Variants in GRIK2 observed in about 807,000 individuals in gnomAD.
The protein encoded by GRIK2 is glutamate ionotropic receptor kainate type subunit 2, also known as glutamate receptor ionotropic, kainate 2.
In GRIK2, 32 loss-of-function variants were observed where a neutral mutation model predicts 100.3. The ratio of observed to expected loss-of-function variants is 0.32; its 90% CI spans 0.24 to 0.43. The LOEUF is 0.43. Among genes scored for constraint, GRIK2 ranks in the 20% least tolerant of loss-of-function variants. GRIK2 has a pLI of 1.00. For missense variants in GRIK2, 843 were observed against 1,114.9 expected, an observed-to-expected ratio of 0.76 and a Z score of 3.47; for synonymous variants, 417 against 389.4, an observed-to-expected ratio of 1.07 and a Z score of -0.83.
intron 7 of GRIK2, among the ~76,000 whole-genome samples, chr6:101,700,568 C>T (rs1439977641): frequency 6.6e-6 from 1 of 152,070 alleles, no homozygotes; most frequent in Non-Finnish European, 1.5e-5. Context: ...TACACTAACT[C>T]TAAGTCTCAC....
intron 7 of GRIK2, among the ~76,000 whole-genome samples, chr6:101,705,885 C>T (rs1215756990): frequency 6.6e-6 from 1 of 151,560 alleles, no homozygotes; most frequent in Non-Finnish European, 1.5e-5. Flanking sequence ...TTAAGAAGTG[C>T]AACAATAAAA....
intron 7 of GRIK2, among the ~76,000 whole-genome samples, chr6:101,799,368 A>G (rs1780531533): frequency 1.3e-5 from 2 of 151,884 alleles, no homozygotes; most frequent in South Asian, 4.2e-4. Context: ...CTGTCTTCAT[A>G]CATGTCCTAC....
At chr6:101,914,463 G>C (rs1216332757) in intron 12 of GRIK2, among the ~76,000 whole-genome samples, 2 of 151,456 alleles carry the variant, frequency 1.3e-5, no homozygotes, top group East Asian at 3.9e-4. Context: ...TCCAAAATCG[G>C]CAAGGGGCTA....
chr6:101,608,445 C>T (rs1321702827), intron 2 of GRIK2, among the ~76,000 whole-genome samples: 4 of 151,766 alleles, frequency 2.6e-5, no homozygotes, highest in African/African-American at 9.7e-5. Flanking sequence ...TGTGTTATTT[C>T]TAGTAAAATT....
At chr6:101,688,027 A>G (rs1771826706) in intron 7 of GRIK2, among the ~76,000 whole-genome samples, 2 of 148,098 alleles carry the variant, frequency 1.4e-5, no homozygotes, top group Admixed American at 1.4e-4. Context: ...TATCCTTTAA[A>G]TTGTTGTTAT....
chr6:101,622,180 ATT>A, intron 3 of GRIK2, 64 bp downstream of exon 3: 1 of 964,868 alleles, frequency 1.0e-6, no homozygotes. Context: ...TTCTTAAGAG[ATT>A]TTTTTATTTT....
intron 14 of GRIK2, among the ~76,000 whole-genome samples, chr6:101,950,541 G>A (rs1791546155): frequency 6.6e-6 from 1 of 152,098 alleles, no homozygotes; most frequent in Non-Finnish European, 1.5e-5. Flanking sequence ...TCTGAATGAT[G>A]AAGCAGCCCC....
chr6:102,025,232 T>A (rs1207034165), intron 14 of GRIK2, among the ~76,000 whole-genome samples: 1 of 151,232 alleles, frequency 6.6e-6, no homozygotes, highest in East Asian at 1.9e-4. Flanking sequence ...AAGTATCTAT[T>A]GATATCTATG....
intron 2 of GRIK2, among the ~76,000 whole-genome samples, chr6:101,457,050 A>G (rs904003759): frequency 6.6e-6 from 1 of 152,124 alleles, no homozygotes; most frequent in Non-Finnish European, 1.5e-5. Context: ...AAACAATTCT[A>G]AAAGGAACAC....
intron 2 of GRIK2, among the ~76,000 whole-genome samples, chr6:101,404,218 A>G (rs530757357): frequency 6.4e-4 from 97 of 152,250 alleles, no homozygotes; most frequent in African/African-American, 2.3e-3. Flanking sequence ...CTCAGATGAC[A>G]CTCTTTCAAC....
At chr6:101,876,657 T>TCCTGG (rs1193715504) in intron 11 of GRIK2, among the ~76,000 whole-genome samples, 1 of 151,892 alleles carries the variant, frequency 6.6e-6, no homozygotes, top group African/African-American at 2.4e-5. Flanking sequence ...CTACTCATTA[T>TCCTGG]CCTGGTGAGA....
rs541237241 is a variant in GRIK2, at chr6:101,873,376, G to A, written c.1524+13883G>A. Among the ~76,000 whole-genome samples, 10 of 151,522 alleles carry A rather than the reference G, an allele frequency of 6.6e-5. No individual in the cohort carries two copies. In the South Asian group the frequency reaches 2.1e-3, roughly 32 times the overall value. ...TTTTTTGTCCTTGTAATAGTTTGCT[G>A]AGAATGATGGTTTCCAGCTTCATCC... On this transcript the variant is annotated intron_variant, in intron 11 of 16. Transcript: ENST00000369134.
chr6:101,799,277 T>TTGTGTG (rs58920833), intron 7 of GRIK2, among the ~76,000 whole-genome samples: 1,473 of 146,624 alleles, frequency 0.01, 9 homozygotes, highest in East Asian at 0.041. Context: ...AATGTACTCA[T>TTGTGTG]TGTGTGTGTG....
intron 11 of GRIK2, among the ~76,000 whole-genome samples, chr6:101,883,739 G>T (rs1786425711): frequency 6.6e-6 from 1 of 152,122 alleles, no homozygotes; most frequent in Non-Finnish European, 1.5e-5. Context: ...GCTTTCCAGG[G>T]AGAGGGAATA....
At chr6:101,897,623 T>C (rs1317602600) in intron 12 of GRIK2, among the ~76,000 whole-genome samples, 1 of 151,866 alleles carries the variant, frequency 6.6e-6, no homozygotes, top group African/African-American at 2.4e-5. Context: ...AATATTTTAA[T>C]CCACAATGTC....
chr6:101,946,787 G>A (rs1791307194), intron 14 of GRIK2, among the ~76,000 whole-genome samples: 1 of 151,970 alleles, frequency 6.6e-6, no homozygotes, highest in Non-Finnish European at 1.5e-5. Context: ...GAGGCAGAGT[G>A]GTATTGTAAA....
At chr6:101,702,443 A>C (rs573430129) in intron 7 of GRIK2, among the ~76,000 whole-genome samples, 1 of 152,116 alleles carries the variant, frequency 6.6e-6, no homozygotes, top group Admixed American at 6.6e-5. Flanking sequence ...GCCAAATGTT[A>C]GCTTTGATTA....
intron 4 of GRIK2, among the ~76,000 whole-genome samples, chr6:101,639,864 C>T (rs1416570696): frequency 2.6e-5 from 4 of 152,094 alleles, no homozygotes; most frequent in Non-Finnish European, 4.4e-5. Context: ...ATTTCAGTGA[C>T]TCAAAAAGGA....
intron 7 of GRIK2, among the ~76,000 whole-genome samples, chr6:101,743,129 G>T (rs913723042): frequency 1.3e-5 from 2 of 152,148 alleles, no homozygotes; most frequent in African/African-American, 4.8e-5. Flanking sequence ...ACAACAAAAG[G>T]TCACCTATTG....
Sources: gnomAD v4.1 joint callset for allele counts (sites outside exome capture counted in the v4.1 genomes callset) on GRCh38, gnomAD v4.1.1 for gene constraint, MANE v1.5 for transcripts, NCBI Gene and HGNC (gene_info 2026-07-23, HGNC 2026-07-21) for gene names.